The following SLC16A14 variants were observed in gnomAD, a reference collection of about 807,000 sequenced individuals.
The protein encoded by SLC16A14 is monocarboxylate transporter 14.
In SLC16A14, 14 loss-of-function variants were observed where a neutral mutation model predicts 35.8. The ratio of observed to expected loss-of-function variants is 0.39; its 90% CI spans 0.26 to 0.61. SLC16A14 has a LOEUF of 0.61. Ranked by LOEUF, SLC16A14 falls within the 20% of genes least tolerant of loss-of-function variation. SLC16A14 has a pLI of 0.51. For missense variants in SLC16A14, 533 were observed against 655.0 expected, an observed-to-expected ratio of 0.81 and a Z score of 2.03; for synonymous variants, 248 against 258.9, an observed-to-expected ratio of 0.96 and a Z score of 0.40.
At chr2:230,044,738 ATG>A (rs1193379054) in intron 4 of SLC16A14, among the ~76,000 whole-genome samples, 140 of 79,652 alleles carry the variant, frequency 1.8e-3, no homozygotes, top group African/African-American at 3.4e-3. Flanking sequence ...GTGTGTGTGT[ATG>A]TGTGTGTGTG....
intron 4 of SLC16A14, among the ~76,000 whole-genome samples, chr2:230,039,471 A>G (rs751211491): frequency 6.6e-6 from 1 of 152,226 alleles, no homozygotes; most frequent in Non-Finnish European, 1.5e-5. Context: ...GGAAAGGCAC[A>G]TTGACACTGA....
At chr2:230,062,831 A>G (rs1237068459) in intron 1 of SLC16A14, among the ~76,000 whole-genome samples, 1 of 152,030 alleles carries the variant, frequency 6.6e-6, no homozygotes, top group African/African-American at 2.4e-5. Context: ...TCTCATTATT[A>G]TTTTTACATT....
At chr2:230,053,301 T>C (rs888488622) in intron 2 of SLC16A14, among the ~76,000 whole-genome samples, 1 of 152,140 alleles carries the variant, frequency 6.6e-6, no homozygotes, top group Non-Finnish European at 1.5e-5. Flanking sequence ...CAAACCACCA[T>C]TTCCAGAAAA....
In SLC16A14 at chr2:230,037,363, C is replaced by G; in HGVS notation, c.*17G>C. The G allele has an allele frequency of 6.3e-7, 1 of 1,577,920 alleles. No individual in the cohort carries two copies. Among genetic ancestry groups the G allele is most frequent in the Non-Finnish European group, 8.6e-7 (1 of 1,165,792 alleles). ...CATGAGTATTACAATGAAACCTACA[C>G]GGAACATTACATGATACTAAACATG... On this transcript the variant is annotated 3_prime_UTR_variant, in exon 5 of 5. Coordinates refer to ENST00000295190, the MANE Select transcript of SLC16A14 (RefSeq NM_152527.5).
At chr2:230,040,312 C>T (rs1452746037) in intron 4 of SLC16A14, among the ~76,000 whole-genome samples, 5 of 152,042 alleles carry the variant, frequency 3.3e-5, no homozygotes, top group African/African-American at 4.8e-5. Context: ...TCCACTCCCC[C>T]GGGTTCAAGC....
At chr2:230,049,718 A>G (rs374578840) in intron 3 of SLC16A14, 43 bp downstream of exon 3, 1 of 1,600,156 alleles carries the variant, frequency 6.2e-7, no homozygotes, top group Non-Finnish European at 8.6e-7. Flanking sequence ...AAGATGTCTT[A>G]TAAAACATTT....
intron 2 of SLC16A14, among the ~76,000 whole-genome samples, chr2:230,057,226 G>C (rs1361869270): frequency 6.6e-6 from 1 of 152,160 alleles, no homozygotes; most frequent in Non-Finnish European, 1.5e-5. Flanking sequence ...GTAAGGGAAA[G>C]CCCCTAGTAT....
chr2:230,040,397 A>G (rs2077551772), intron 4 of SLC16A14, among the ~76,000 whole-genome samples: 1 of 151,864 alleles, frequency 6.6e-6, no homozygotes, highest in Non-Finnish European at 1.5e-5. Flanking sequence ...TAATTTTTGT[A>G]TTTTTAGTAG....
rs2077613396 is a variant in SLC16A14, at chr2:230,046,889, G to A, written c.404-167C>T. 1.3e-5 allele frequency among the ~76,000 whole-genome samples: 2 copies of A among 152,338 alleles called. No homozygotes were observed. The highest frequency in any genetic ancestry group is 4.1e-4 in the South Asian group (2 of 4,834). ...TTTAAAAAGCAGCTCCCAGGGATAA[G>A]CAGCAGAAAGACCATCCACCCAAGC... On this transcript the variant is annotated intron_variant, in intron 3 of 4. Transcript: ENST00000295190. The surrounding 1 kb of genome is among the most constrained non-coding windows in gnomAD (Gnocchi z 5.0).
intron 3 of SLC16A14, among the ~76,000 whole-genome samples, chr2:230,049,175 TTC>T (rs2077635776): frequency 6.6e-6 from 1 of 151,108 alleles, no homozygotes; most frequent in Non-Finnish European, 1.5e-5. Context: ...GTTAAAACTA[TTC>T]TCATATCTTA....
chr2:230,068,648 T>G lies in SLC16A14; in HGVS notation c.-108A>C, dbSNP rs2077824469. The G allele has an allele frequency of 6.6e-6, 1 of 152,526 alleles. No homozygotes were observed. Among genetic ancestry groups the G allele is most frequent in the Non-Finnish European group, 1.5e-5 (1 of 68,090 alleles). 9.4% of individuals were successfully genotyped at this position (152,526 alleles called of 1,614,324 possible). ...TTGGAGCCCCCTGAGCTGCTGGGTG[T>G]AGAGATTTGTTGCAATGTCGCCTAT... On this transcript the variant is annotated 5_prime_UTR_variant, in exon 1 of 5. Coordinates refer to ENST00000295190, the MANE Select transcript of SLC16A14 (RefSeq NM_152527.5). The surrounding 1 kb of genome is among the most constrained non-coding windows in gnomAD (Gnocchi z 5.1).
chr2:230,045,768 G>A lies in SLC16A14; in HGVS notation c.1358C>T (p.Ala453Val). ...ACCTGCAAAAGGTGGTCCCAGCAAT[G>A]CAGAGATGCCATTAGCACAGATGAT... is the stretch of plus-strand genomic sequence containing the variant. ...GIIICANGISALLGPPFAGWI... is the reference protein window; with the variant it reads ...GIIICANGISVLLGPPFAGWI... Residue 453 changes from alanine to valine, a missense_variant, in exon 4 of 5, where the codon GCA becomes GTA. Coordinates refer to ENST00000295190, the MANE Select transcript of SLC16A14 (RefSeq NM_152527.5). The A allele has an allele frequency of 1.2e-6, 2 of 1,614,220 alleles. No individual in the cohort carries two copies. Among genetic ancestry groups the A allele is most frequent in the Non-Finnish European group, 1.7e-6 (2 of 1,180,048 alleles).
At position 230,037,124 on chromosome 2, in the gene SLC16A14, A is replaced by T. The variant is rs537023944; in HGVS notation, c.*256T>A. On this transcript the variant is annotated 3_prime_UTR_variant, in exon 5 of 5. Coordinates refer to ENST00000295190, the MANE Select transcript of SLC16A14 (RefSeq NM_152527.5). ...GGTTTTTATAAGGGCATTTCTACCAATTACTTACTAGGCTGTCTTTGAACA... is the reference window on the plus strand; with the variant it reads ...GGTTTTTATAAGGGCATTTCTACCATTTACTTACTAGGCTGTCTTTGAACA... The T allele has an allele frequency of 4.0e-6, 1 of 252,952 alleles. No individual in the cohort carries two copies. Among genetic ancestry groups the T allele is most frequent in the Non-Finnish European group, 7.5e-6 (1 of 133,282 alleles). The allele number at this position is 252,952 out of a possible 1,614,324, so 15.7% of individuals were successfully genotyped here.
At chr2:230,051,864 A>G (rs932075844) in intron 2 of SLC16A14, among the ~76,000 whole-genome samples, 6 of 152,216 alleles carry the variant, frequency 3.9e-5, no homozygotes, top group Non-Finnish European at 7.4e-5. Context: ...TATTAATTTA[A>G]TTAACTCTGT....
rs755149826 is a variant in SLC16A14 at position 230,037,430 on chromosome 2, G to A, written c.1483C>T (p.Arg495Ter). ...ILFLLIQPCIRIIEQSRRKYM... is the reference protein window; with the variant it reads ...ILFLLIQPCI ...TTTCTTCTGGATTGTTCTATAATTC[G>A]AATGCACGGCTGAATAAGTAAAAAG... The change falls in exon 5 of 5, where the codon CGA becomes TGA. Residue 495 changes from arginine (R) to a stop codon, truncating the protein, a stop_gained. Transcript: ENST00000295190. LOFTEE classifies it high-confidence loss of function. 21 of 1,612,512 alleles carry A rather than the reference G, an allele frequency of 1.3e-5. No homozygotes were observed. The highest frequency in any genetic ancestry group is 2.7e-5 in the African/African-American group (2 of 74,848).
chr2:230,066,608 C>T (rs894293452), intron 1 of SLC16A14: 43 of 426,650 alleles, frequency 1.0e-4, no homozygotes, highest in Non-Finnish European at 1.4e-4. Flanking sequence ...AAATTTTCTA[C>T]AGCAGCGTAG....
chr2:230,049,974 T>A, intron 2 of SLC16A14, 70 bp from the exon 3 acceptor site: 2 of 1,551,502 alleles, frequency 1.3e-6, no homozygotes, highest in Non-Finnish European at 1.8e-6. Flanking sequence ...TAAATCTTCA[T>A]GTGAAGACAA....
chr2:230,065,260 G>T lies in SLC16A14; in HGVS notation c.-15+3295C>A, dbSNP rs961395786. Among the ~76,000 whole-genome samples, 5 of 151,742 alleles carry T rather than the reference G, an allele frequency of 3.3e-5. No individual in the cohort carries two copies. In the East Asian group the frequency reaches 7.8e-4, roughly 24 times the overall value. ...GGTGCATGTAGAATATAGTAAAAAA[G>T]TTCTTTTTTTTTTTGAGATGGAGTC... is the stretch of plus-strand genomic sequence containing the variant. On this transcript the variant is annotated intron_variant, in intron 1 of 4. Transcript: ENST00000295190.
chr2:230,037,019 G>T lies in SLC16A14; in HGVS notation c.*361C>A. On this transcript the variant is annotated 3_prime_UTR_variant, in exon 5 of 5. Transcript: ENST00000295190. ...AGTTTTGTCTTACAAAGAAGTGGTT[G>T]AGTTGAAAAGCTTTTATTCCCTGTT... 1 of 155,542 alleles carries T rather than the reference G, an allele frequency of 6.4e-6. No homozygotes were observed. The highest frequency in any genetic ancestry group is 1.4e-5 in the Non-Finnish European group (1 of 70,242). The allele number at this position is 155,542 out of a possible 1,614,324, so 9.6% of individuals were successfully genotyped here.
Sources: gnomAD v4.1 joint callset for allele counts (sites outside exome capture counted in the v4.1 genomes callset) on GRCh38, gnomAD v4.1.1 for gene constraint, Gnocchi (gnomAD v3.1) non-coding constraint, MANE v1.5 for transcripts, NCBI Gene and HGNC (gene_info 2026-07-23, HGNC 2026-07-21) for gene names.